ENOX1: variants seen among roughly 807,000 people sequenced by gnomAD.
ENOX1 encodes ecto-NOX disulfide-thiol exchanger 1, also known as candidate growth-related and time keeping constitutive hydroquinone (NADH) oxidase.
In ENOX1, 42 loss-of-function variants were observed where a neutral mutation model predicts 82.5. The observed-to-expected ratio is 0.51, with a 90% CI of 0.40 to 0.66. The LOEUF (loss-of-function observed/expected upper bound fraction) is 0.66, where lower values mean the gene tolerates loss of function less well. Ranked by LOEUF, ENOX1 falls within the 30% of genes least tolerant of loss-of-function variation. ENOX1 has a pLI of 0.00. For missense variants in ENOX1, 608 were observed against 811.6 expected, an observed-to-expected ratio of 0.75 and a Z score of 3.05; for synonymous variants, 271 against 282.2, an observed-to-expected ratio of 0.96 and a Z score of 0.40.
chr13:43,479,103 T>G (rs2058409122), intron 3 of ENOX1, among the ~76,000 whole-genome samples: 2 of 152,068 alleles, frequency 1.3e-5, no homozygotes, highest in Non-Finnish European at 2.9e-5. Flanking sequence ...TGCATAAAGA[T>G]GGAACTGGGT....
chr13:43,512,992 G>A (rs1443272761), intron 2 of ENOX1, among the ~76,000 whole-genome samples: 1 of 152,062 alleles, frequency 6.6e-6, no homozygotes, highest in Non-Finnish European at 1.5e-5. Context: ...TATCTGGGAA[G>A]GGTCACAGTT....
intron 15 of ENOX1, 25 bp downstream of exon 15, chr13:43,236,611 G>A: frequency 1.4e-6 from 2 of 1,403,324 alleles, no homozygotes; most frequent in Non-Finnish European, 1.9e-6. Flanking sequence ...TAAGAGAACA[G>A]ATGAAGAAAA....
intron 3 of ENOX1, among the ~76,000 whole-genome samples, chr13:43,422,423 A>T (rs561862848): frequency 3.3e-5 from 5 of 152,334 alleles, no homozygotes; most frequent in African/African-American, 1.2e-4. Flanking sequence ...GGCATGCACC[A>T]CAGAGGATGA....
At chr13:43,672,809 A>G (rs2085330717) in intron 1 of ENOX1, among the ~76,000 whole-genome samples, 1 of 152,210 alleles carries the variant, frequency 6.6e-6, no homozygotes, top group South Asian at 2.1e-4. Flanking sequence ...CTATGATTTC[A>G]GTGCTATAAG....
chr13:43,602,461 T>C (rs1293639412), intron 2 of ENOX1, among the ~76,000 whole-genome samples: 1 of 152,098 alleles, frequency 6.6e-6, no homozygotes, highest in Non-Finnish European at 1.5e-5. Context: ...TTCCAACACA[T>C]TTATCATATG....
At chr13:43,554,174 G>C (rs2079332726) in intron 2 of ENOX1, among the ~76,000 whole-genome samples, 1 of 152,144 alleles carries the variant, frequency 6.6e-6, no homozygotes, top group Admixed American at 6.5e-5. Flanking sequence ...AATCTTTGGA[G>C]ATTCCAAAGA....
intron 5 of ENOX1, among the ~76,000 whole-genome samples, chr13:43,397,253 G>A (rs1170817094): frequency 1.3e-5 from 2 of 152,220 alleles, no homozygotes; most frequent in Middle Eastern, 3.2e-3. Context: ...CACAGCTGGG[G>A]ATGAACAAAT....
At chr13:43,605,231 T>C (rs1339253117) in intron 2 of ENOX1, among the ~76,000 whole-genome samples, 1 of 152,186 alleles carries the variant, frequency 6.6e-6, no homozygotes, top group African/African-American at 2.4e-5. Context: ...ATGTCCATAC[T>C]ACACAAAGCA....
chr13:43,314,762 C>G (rs941083496), intron 11 of ENOX1, among the ~76,000 whole-genome samples: 1 of 152,212 alleles, frequency 6.6e-6, no homozygotes, highest in Non-Finnish European at 1.5e-5. Context: ...CCACTACCAA[C>G]TGGCCTACAT....
In ENOX1 at chr13:43,334,765, C is replaced by A. The variant is rs568757890; in HGVS notation, c.1037-8240G>T. Among the ~76,000 whole-genome samples, 4 of 152,252 alleles carry A rather than the reference C, an allele frequency of 2.6e-5. No homozygotes were observed. The South Asian group carries it at 8.3e-4, about 32-fold the overall frequency. ...TTTTTTGTGTCTACCAGGCTGGAACCAATTTCTCTCAGTGTGTGCCCTCAG... is the reference window on the plus strand; with the variant it reads ...TTTTTTGTGTCTACCAGGCTGGAACAAATTTCTCTCAGTGTGTGCCCTCAG... On this transcript the variant is annotated intron_variant, in intron 9 of 16. Transcript: ENST00000690772.
intron 2 of ENOX1, chr13:43,546,470 C>T (rs2078977832): frequency 2.6e-5 from 4 of 152,310 alleles, no homozygotes; most frequent in Admixed American, 2.6e-4. Context: ...CCAGACCCCA[C>T]AGGAGCCTGG....
intron 5 of ENOX1, among the ~76,000 whole-genome samples, chr13:43,387,577 A>C (rs901276583): frequency 4.6e-5 from 7 of 151,994 alleles, no homozygotes; most frequent in Non-Finnish European, 1.0e-4. Context: ...ATGCCTATTG[A>C]CTTTCTGCTT....
intron 2 of ENOX1, among the ~76,000 whole-genome samples, chr13:43,594,198 T>A (rs1221363325): frequency 1.3e-5 from 2 of 152,210 alleles, no homozygotes; most frequent in Non-Finnish European, 2.9e-5. Flanking sequence ...TTCTTTGATT[T>A]GGGTGATAGG....
chr13:43,384,008 G>A (rs990027340), intron 5 of ENOX1, among the ~76,000 whole-genome samples: 12 of 152,172 alleles, frequency 7.9e-5, no homozygotes, highest in Non-Finnish European at 1.5e-4. Context: ...CAGTGAAGCC[G>A]GACTGCCTGT....
chr13:43,480,816 A>G (rs2058477802), intron 3 of ENOX1, among the ~76,000 whole-genome samples: 1 of 152,220 alleles, frequency 6.6e-6, no homozygotes, highest in African/African-American at 2.4e-5. Context: ...TAGAAAGCCT[A>G]AACAGACCCA....
intron 9 of ENOX1, among the ~76,000 whole-genome samples, chr13:43,338,637 G>C (rs1350242635): frequency 6.9e-6 from 1 of 145,904 alleles, no homozygotes; most frequent in Non-Finnish European, 1.5e-5. Context: ...GCCCTACACA[G>C]AAGTGAATGG....
intron 2 of ENOX1, among the ~76,000 whole-genome samples, chr13:43,518,133 C>G (rs2077625253): frequency 6.6e-6 from 1 of 152,084 alleles, no homozygotes; most frequent in African/African-American, 2.4e-5. Flanking sequence ...CAAAACCAAT[C>G]TAAGAAGTGC....
chr13:43,331,272 T>A (rs1028767839), intron 9 of ENOX1, among the ~76,000 whole-genome samples: 2 of 152,206 alleles, frequency 1.3e-5, no homozygotes, highest in Admixed American at 6.5e-5. Flanking sequence ...CTGCCTTCTT[T>A]CTCACAGGCC....
intron 1 of ENOX1, among the ~76,000 whole-genome samples, chr13:43,717,959 T>C (rs1389962684): frequency 6.6e-6 from 1 of 152,218 alleles, no homozygotes; most frequent in Non-Finnish European, 1.5e-5. Flanking sequence ...TCAGTCACTG[T>C]GGAAAGAAGC....
Sources: gnomAD v4.1 joint callset for allele counts (sites outside exome capture counted in the v4.1 genomes callset) on GRCh38, gnomAD v4.1.1 for gene constraint, MANE v1.5 for transcripts, NCBI Gene and HGNC (gene_info 2026-07-23, HGNC 2026-07-21) for gene names.